DNAH12: variants seen among roughly 807,000 people sequenced by gnomAD.
The protein encoded by DNAH12 is axonemal beta dynein heavy chain 12.
A neutral mutation model predicts 371.5 loss-of-function variants in DNAH12; 285 were observed. The ratio of observed to expected loss-of-function variants is 0.77; its 90% CI spans 0.70 to 0.85. DNAH12 has a LOEUF of 0.85. DNAH12 is among the 40% of genes least tolerant of loss of function. The pLI is 0.00. For missense variants in DNAH12, 3,611 were observed against 3,689.4 expected, an observed-to-expected ratio of 0.98 and a Z score of 0.55; for synonymous variants, 1,200 against 1,213.0, an observed-to-expected ratio of 0.99 and a Z score of 0.22.
intron 58 of DNAH12, among the ~76,000 whole-genome samples, chr3:57,359,281 T>C (rs1474568889): frequency 4.6e-5 from 7 of 151,666 alleles, no homozygotes; most frequent in African/African-American, 1.7e-4. Flanking sequence ...TACTATGGGC[T>C]GGGCACGGTG....
In DNAH12 at chr3:57,468,848, C is replaced by CT; in HGVS notation, c.2236dup (p.Arg746LysfsTer15). The CT allele has an allele frequency of 2.0e-6, 3 of 1,523,546 alleles. No individual in the cohort carries two copies. The highest frequency in any genetic ancestry group is 2.5e-5 in the Admixed American group (1 of 40,660). 94.4% of individuals were successfully genotyped at this position (1,523,546 alleles called of 1,614,324 possible). A position where few individuals can be genotyped will look rare whatever the true frequency, so the allele number is the denominator to read the frequency against. On this transcript the variant is annotated frameshift_variant, in exon 17 of 74. Transcript: ENST00000495027. LOFTEE classifies it high-confidence loss of function. ...CAAAGACCGTTTTCTTGCTGCCTTT[C>CT]TTTTTTCTTGTAATTCTTTCTTTAG...
rs908841667 is a variant in DNAH12, at chr3:57,391,258, G to T, written c.7305+614C>A. ...CAGTGGGCTGCATCCAATTGTCCTT[G>T]TCCAGTTTTGTTCAATCCAATGGAA... On this transcript the variant is annotated intron_variant, in intron 45 of 73. Coordinates refer to ENST00000495027, the MANE Select transcript of DNAH12 (RefSeq NM_001366028.2). Among the ~76,000 whole-genome samples, 4 of 152,204 alleles carry T rather than the reference G, an allele frequency of 2.6e-5. 1 individual carries two copies. The East Asian group carries it at 7.7e-4, about 29-fold the overall frequency.
At chr3:57,352,301 CTTT>C in intron 59 of DNAH12, 76 bp from the exon 60 acceptor site, 1 of 1,390,106 alleles carries the variant, frequency 7.2e-7, no homozygotes, top group Non-Finnish European at 9.6e-7. Flanking sequence ...AACATATACA[CTTT>C]TTATTTTATG....
intron 9 of DNAH12, among the ~76,000 whole-genome samples, 165 bp downstream of exon 9, chr3:57,503,851 T>C (rs1433027617): frequency 1.3e-5 from 2 of 152,154 alleles, no homozygotes; most frequent in Non-Finnish European, 2.9e-5. Flanking sequence ...AAATGTCATC[T>C]CCAGCCTTCA....
intron 23 of DNAH12, among the ~76,000 whole-genome samples, chr3:57,454,563 A>G (rs1050178678): frequency 1.2e-4 from 19 of 152,130 alleles, no homozygotes; most frequent in Admixed American, 9.8e-4. Flanking sequence ...AACAATAGAT[A>G]AGTTAACTAA....
rs1479983025 is a variant in DNAH12 at position 57,471,477 on chromosome 3, G to T, written c.1906C>A (p.Gln636Lys). 1 of 1,544,164 alleles carries T rather than the reference G, an allele frequency of 6.5e-7. No homozygotes were observed. The highest frequency in any genetic ancestry group is 8.7e-7 in the Non-Finnish European group (1 of 1,145,630). ...GTCTCATATATTTATCAGACCTGTT[G>T]CATGCGCTCCAGCTCTGCAAATTCT... ...FTEFAELERM[Q>K]QYVTDVRQLQ... Residue 636 changes from glutamine to lysine, a missense_variant, in exon 15 of 74, where the codon CAA becomes AAA. Gln to Lys is a moderately conservative substitution (Grantham distance 53). Around this residue, in one of 3 missense-constraint regions of DNAH12, gnomAD observed 1,314 missense variants for 1,398.7 expected, o/e 0.94. Transcript: ENST00000495027.
rs368168082 is a variant in DNAH12, at chr3:57,347,646, G to A, written c.9674+4439C>T. On this transcript the variant is annotated intron_variant, in intron 60 of 73. Coordinates refer to ENST00000495027, the MANE Select transcript of DNAH12 (RefSeq NM_001366028.2). ...CAGGAGAATCGATTGAACCCAGGAGGCGGAGGTTGCAGTGAGCCAAGACGA... is the reference window on the plus strand; with the variant it reads ...CAGGAGAATCGATTGAACCCAGGAGACGGAGGTTGCAGTGAGCCAAGACGA... Among the ~76,000 whole-genome samples, 141 of 151,594 alleles carry A rather than the reference G, an allele frequency of 9.3e-4. 3 individuals carry two copies. In the South Asian group the frequency reaches 0.028, roughly 30 times the overall value.
At chr3:57,396,290 C>CCA (rs2063736452) in intron 43 of DNAH12, among the ~76,000 whole-genome samples, 4 of 68,718 alleles carry the variant, frequency 5.8e-5, no homozygotes, top group Non-Finnish European at 1.1e-4. Flanking sequence ...AAAAAAAAAA[C>CCA]AAAAAAAAAA....
chr3:57,550,537 G>C, the DNAH12 span, among the ~76,000 whole-genome samples: 3 of 151,840 alleles, frequency 2.0e-5, no homozygotes, highest in African/African-American at 7.3e-5. Flanking sequence ...TTTTGAGACA[G>C]AGTCTCACTC....
chr3:57,445,276 T>A lies in DNAH12; in HGVS notation c.4323A>T (p.Ser1441=), dbSNP rs1387522576. 2.6e-6 allele frequency: 4 copies of A among 1,551,354 alleles called. No individual in the cohort carries two copies. Among genetic ancestry groups the A allele is most frequent in the Non-Finnish European group, 8.7e-7 (1 of 1,146,852 alleles). ...MTYRLCSEQL[S]SQFHYDYGMR... ...TTCCATAGTCGTAATGAAATTGCGA[T>A]GAGAGCTGCTCTGAGCAAAGCCTAT... Residue 1441 remains serine (S), a synonymous_variant, in exon 28 of 74, where the codon TCA becomes TCT. Transcript: ENST00000495027.
chr3:57,347,652 G>T (rs1428077074), intron 60 of DNAH12, among the ~76,000 whole-genome samples: 1 of 150,706 alleles, frequency 6.6e-6, no homozygotes, highest in Non-Finnish European at 1.5e-5. Context: ...GGAGGCGGAG[G>T]TTGCAGTGAG....
At chr3:57,317,715 G>A (rs1404512111) in intron 65 of DNAH12, among the ~76,000 whole-genome samples, 1 of 152,016 alleles carries the variant, frequency 6.6e-6, no homozygotes, top group South Asian at 2.1e-4. Flanking sequence ...TGGATCATAT[G>A]TTCTGTTTTT....
intron 9 of DNAH12, among the ~76,000 whole-genome samples, chr3:57,502,996 A>T (rs1559728709): frequency 6.6e-6 from 1 of 152,200 alleles, no homozygotes; most frequent in Non-Finnish European, 1.5e-5. Flanking sequence ...TAGATCTTAT[A>T]CTATATTTTA....
At chr3:57,402,448 TTAC>T in intron 43 of DNAH12, 2 of 1,304,450 alleles carry the variant, frequency 1.5e-6, no homozygotes, top group Non-Finnish European at 2.0e-6. Flanking sequence ...ACTATTAAGA[TTAC>T]TACTAAGACA....
At chr3:57,405,602 T>C (rs920360348) in intron 41 of DNAH12, 51 bp downstream of exon 41, 51 of 1,467,244 alleles carry the variant, frequency 3.5e-5, no homozygotes, top group Non-Finnish European at 4.4e-5. Context: ...ATTGTAACAA[T>C]TCATATATGG....
intron 2 of DNAH12, 101 bp downstream of exon 2, chr3:57,542,600 C>G (rs1369969654): frequency 5.4e-6 from 7 of 1,299,208 alleles, no homozygotes; most frequent in Non-Finnish European, 7.2e-6. Context: ...TAGTATTTTA[C>G]CCATGAACAA....
Position 57,468,891 on chromosome 3 carries a change from T to C in DNAH12, c.2194A>G (p.Lys732Glu), listed in dbSNP as rs1014812351. ...EFSREIFKTL[K>E]FFQTKLKKEL... ...TTCTTTAGCTTCGTTTGGAAAAATT[T>C]TAGTGTCTTAAAAATTTCTCGGGAA... is the stretch of plus-strand genomic sequence containing the variant. Residue 732 changes from lysine to glutamate, a missense_variant, in exon 17 of 74, where the codon AAA (lysine) becomes GAA (glutamate). By Grantham distance (56) the Lys-to-Glu change is moderately conservative. Transcript: ENST00000495027. 1.3e-6 allele frequency: 2 copies of C among 1,529,202 alleles called. No individual in the cohort carries two copies. Among genetic ancestry groups the C allele is most frequent in the African/African-American group, 1.4e-5 (1 of 71,054 alleles). 94.7% of individuals were successfully genotyped at this position (1,529,202 alleles called of 1,614,324 possible).
chr3:57,322,684 C>T (rs948650765), intron 64 of DNAH12, among the ~76,000 whole-genome samples: 1 of 152,182 alleles, frequency 6.6e-6, no homozygotes, highest in African/African-American at 2.4e-5. Context: ...AATCCCAGCA[C>T]TTTGGGAGGC....
intron 43 of DNAH12, among the ~76,000 whole-genome samples, chr3:57,399,696 C>A (rs1486420848): frequency 6.6e-6 from 1 of 152,298 alleles, no homozygotes; most frequent in African/African-American, 2.4e-5. Flanking sequence ...GCTTCTGCCA[C>A]CCCTGAGACA....
Sources: allele counts gnomAD v4.1 joint callset (sites outside exome capture counted in the v4.1 genomes callset), GRCh38; gene constraint gnomAD v4.1.1; regional missense constraint gnomAD v4.1.1; transcripts MANE v1.5; gene names NCBI Gene and HGNC (gene_info 2026-07-23, HGNC 2026-07-21).